The following SPOCK1 variants were observed in gnomAD, a reference collection of about 807,000 sequenced individuals.
The protein encoded by SPOCK1 is testican-1.
A neutral mutation model predicts 55.3 loss-of-function variants in SPOCK1; 23 were observed. The ratio of observed to expected loss-of-function variants is 0.42; its 90% CI spans 0.30 to 0.59. The LOEUF is 0.59. Among genes scored for constraint, SPOCK1 ranks in the 20% least tolerant of loss-of-function variants. The pLI is 0.22. For missense variants in SPOCK1, 499 were observed against 552.5 expected (o/e 0.90, Z 0.97); for synonymous variants, 226 against 221.0 (o/e 1.02, Z -0.20).
intron 4 of SPOCK1, among the ~76,000 whole-genome samples, chr5:137,137,198 C>G (rs757725137): frequency 1.3e-4 from 20 of 152,234 alleles, no homozygotes; most frequent in Non-Finnish European, 2.5e-4. Flanking sequence ...GGCTAACTCT[C>G]TGTGTGCACT....
At position 137,140,713 on chromosome 5, in the gene SPOCK1, G is replaced by T; in HGVS notation, c.233-19C>A. 6.6e-7 allele frequency: 1 copy of T among 1,509,894 alleles called. No individual in the cohort carries two copies. The highest frequency in any genetic ancestry group is 9.0e-7 in the Non-Finnish European group (1 of 1,110,132). The allele number at this position is 1,509,894 out of a possible 1,614,324, so 93.5% of individuals were successfully genotyped here. A position where few individuals can be genotyped will look rare whatever the true frequency, so the allele number is the denominator to read the frequency against. ...TCCAGGGCTGAGGCAAAAACAAGAA[G>T]GAGGGCAGGGTTTAGGACCTCCAGG... On this transcript the variant is annotated intron_variant, in intron 3 of 10. Transcript: ENST00000394945.
chr5:137,074,858 C>A (rs1752720318), intron 5 of SPOCK1, among the ~76,000 whole-genome samples: 1 of 152,158 alleles, frequency 6.6e-6, no homozygotes, highest in Non-Finnish European at 1.5e-5. Flanking sequence ...GCACCCGCCA[C>A]CACGCCCGAC....
chr5:137,163,780 C>T (rs865926073), intron 3 of SPOCK1, among the ~76,000 whole-genome samples: 3 of 152,168 alleles, frequency 2.0e-5, no homozygotes, highest in South Asian at 2.1e-4. Context: ...AGATCAATCA[C>T]TCAGTATGGC....
At chr5:137,383,710 G>C (rs1481042228) in intron 2 of SPOCK1, among the ~76,000 whole-genome samples, 1 of 152,214 alleles carries the variant, frequency 6.6e-6, no homozygotes, top group African/African-American at 2.4e-5. Flanking sequence ...CCAAGAAACA[G>C]TTAACTGCGA....
At chr5:136,996,193 C>T (rs1306042029) in intron 6 of SPOCK1, among the ~76,000 whole-genome samples, 1 of 152,172 alleles carries the variant, frequency 6.6e-6, no homozygotes, top group Non-Finnish European at 1.5e-5. Context: ...CCAGAGGATA[C>T]ATCCCACACA....
At chr5:137,339,507 G>A (rs966718676) in intron 2 of SPOCK1, among the ~76,000 whole-genome samples, 12 of 152,208 alleles carry the variant, frequency 7.9e-5, no homozygotes, top group African/African-American at 2.9e-4. Context: ...AGAGAACAGA[G>A]CTCAGAGATG....
intron 9 of SPOCK1, among the ~76,000 whole-genome samples, chr5:136,980,077 G>A (rs1750699872): frequency 2.0e-5 from 3 of 151,206 alleles, no homozygotes; most frequent in Admixed American, 1.3e-4. Flanking sequence ...CAGCCTCTAA[G>A]AAAGAGGTAA....
intron 4 of SPOCK1, among the ~76,000 whole-genome samples, chr5:137,132,984 G>T (rs962632156): frequency 6.6e-6 from 1 of 152,168 alleles, no homozygotes; most frequent in African/African-American, 2.4e-5. Context: ...AGATGGTACT[G>T]AAAGCAAGGC....
At chr5:137,322,594 A>C (rs572893623) in intron 2 of SPOCK1, among the ~76,000 whole-genome samples, 3 of 152,296 alleles carry the variant, frequency 2.0e-5, no homozygotes, top group African/African-American at 7.2e-5. Context: ...ACTGAAGCTA[A>C]GCTGATATCA....
chr5:136,978,683 T>TGTCA lies in SPOCK1; in HGVS notation c.1287_1290dup (p.Lys431Ter). 6.2e-7 allele frequency: 1 copy of TGTCA among 1,612,394 alleles called. No individual in the cohort carries two copies. The highest frequency in any genetic ancestry group is 8.5e-7 in the Non-Finnish European group (1 of 1,179,448). The stretch of plus-strand genomic sequence containing the variant: ...CATATGTACCCGACCTCATCCTCTT[T>TGTCA]GTCATCATCCTCATCCTCATCATCC... On this transcript the variant is annotated stop_gained and frameshift_variant, in exon 11 of 11. Coordinates refer to ENST00000394945, the MANE Select transcript of SPOCK1 (RefSeq NM_004598.4). LOFTEE classifies it high-confidence loss of function.
intron 3 of SPOCK1, among the ~76,000 whole-genome samples, chr5:137,244,237 T>C (rs879646286): frequency 6.6e-6 from 1 of 152,228 alleles, no homozygotes; most frequent in African/African-American, 2.4e-5. Flanking sequence ...TTAAAGAGTC[T>C]GCTAGTGGCA....
intron 2 of SPOCK1, among the ~76,000 whole-genome samples, chr5:137,386,382 C>T (rs911884766): frequency 2.0e-5 from 3 of 152,040 alleles, no homozygotes; most frequent in Non-Finnish European, 4.4e-5. Flanking sequence ...CTAAAGTTTA[C>T]ATGAAGAGGC....
chr5:137,361,150 A>T (rs1750935153), intron 2 of SPOCK1, among the ~76,000 whole-genome samples: 1 of 152,186 alleles, frequency 6.6e-6, no homozygotes. Flanking sequence ...AGCCATCTGC[A>T]AGTCAGCAAG....
At chr5:137,167,121 AAG>A (rs1490401476) in intron 3 of SPOCK1, among the ~76,000 whole-genome samples, 1 of 152,094 alleles carries the variant, frequency 6.6e-6, no homozygotes, top group East Asian at 1.9e-4. Context: ...AAGGGATGGA[AAG>A]AGATATTTCA....
intron 2 of SPOCK1, among the ~76,000 whole-genome samples, chr5:137,384,576 A>ATATATATATATATATACATATATG (rs747142799): frequency 2.1e-5 from 3 of 140,226 alleles, no homozygotes; most frequent in Admixed American, 7.4e-5. Context: ...ATATATATAT[A>ATATATATATATATATACATATATG]TATGTATGTA....
At chr5:137,091,465 G>A (rs10040966) in intron 5 of SPOCK1, among the ~76,000 whole-genome samples, 58,594 of 152,100 alleles carry the variant, frequency 0.39, 11,416 homozygotes, top group Middle Eastern at 0.5. Flanking sequence ...GAGAAGGCCT[G>A]TGTTCATGTC....
chr5:137,165,706 C>T lies in SPOCK1; in HGVS notation c.233-25012G>A, dbSNP rs192853472. 3.3e-3 allele frequency among the ~76,000 whole-genome samples: 509 copies of T among 152,098 alleles called. 4 individuals carry two copies. Among genetic ancestry groups the T allele is most frequent in the Admixed American group, 4.7e-3 (72 of 15,272 alleles). On this transcript the variant is annotated intron_variant, in intron 3 of 10. Coordinates refer to ENST00000394945, the MANE Select transcript of SPOCK1 (RefSeq NM_004598.4). ...TCAGAATTCTATCTGATAAATTTAA[C>T]AAAGAGATTGAAATAATTTAAAAGA...
intron 2 of SPOCK1, among the ~76,000 whole-genome samples, chr5:137,373,285 G>C (rs1580891475): frequency 1.3e-5 from 2 of 152,182 alleles, no homozygotes; most frequent in Non-Finnish European, 2.9e-5. Flanking sequence ...AAAATGGCTT[G>C]AAAAGCCTCC....
chr5:137,290,729 T>C (rs1203753032), intron 2 of SPOCK1, among the ~76,000 whole-genome samples: 1 of 152,170 alleles, frequency 6.6e-6, no homozygotes, highest in African/African-American at 2.4e-5. Context: ...GAAAAAGGTA[T>C]TTCCAGGGAA....
Sources: allele counts gnomAD v4.1 joint callset (sites outside exome capture counted in the v4.1 genomes callset), GRCh38; gene constraint gnomAD v4.1.1; transcripts MANE v1.5; gene names NCBI Gene and HGNC (gene_info 2026-07-23, HGNC 2026-07-21).